The following MEIS1 variants were observed in gnomAD, a reference collection of about 807,000 sequenced individuals.
The protein encoded by MEIS1 is homeobox protein Meis1.
A neutral mutation model predicts 50.8 loss-of-function variants in MEIS1; 5 were observed. The observed-to-expected ratio is 0.10, with a 90% CI of 0.05 to 0.21. The LOEUF is 0.21. MEIS1 is among the 10% of genes least tolerant of loss of function. The pLI, the probability that MEIS1 is intolerant of heterozygous loss-of-function variation, is 1.00. For missense variants in MEIS1, 318 were observed against 517.3 expected (o/e 0.61, Z 3.74); for synonymous variants, 176 against 179.3 (o/e 0.98, Z 0.15).
chr2:66,503,152 A>G (rs556692381), intron 7 of MEIS1, among the ~76,000 whole-genome samples: 10 of 152,330 alleles, frequency 6.6e-5, no homozygotes, highest in African/African-American at 2.4e-4. Flanking sequence ...GAAATGAGGC[A>G]TTGTTTGACA....
intron 10 of MEIS1, 158 bp downstream of exon 10, chr2:66,567,669 C>A: frequency 1.4e-6 from 1 of 719,624 alleles, no homozygotes; most frequent in South Asian, 1.5e-5. Context: ...CAACACTAAT[C>A]AATTTAACAT....
intron 7 of MEIS1, among the ~76,000 whole-genome samples, chr2:66,503,736 ATTTTTTTTTTTTT>A (rs70943702): frequency 5.1e-5 from 4 of 77,824 alleles, no homozygotes; most frequent in South Asian, 5.7e-4. Flanking sequence ...TATATGGGGC[ATTTTTTTTTTTTT>A]TTTTTTTTTT....
At chr2:66,455,508 G>A (rs1217366101) in intron 6 of MEIS1, among the ~76,000 whole-genome samples, 4 of 152,192 alleles carry the variant, frequency 2.6e-5, no homozygotes, top group Non-Finnish European at 4.4e-5. Context: ...GCTTAGCATA[G>A]TTGATTCACT....
At chr2:66,444,363 G>T (rs1672076550) in intron 6 of MEIS1, among the ~76,000 whole-genome samples, 1 of 152,182 alleles carries the variant, frequency 6.6e-6, no homozygotes, top group Non-Finnish European at 1.5e-5. Context: ...CTGACGCCTG[G>T]TTCTTAGTGT....
chr2:66,563,521 T>C (rs893883411), intron 9 of MEIS1, among the ~76,000 whole-genome samples: 4 of 152,216 alleles, frequency 2.6e-5, no homozygotes, highest in Non-Finnish European at 5.9e-5. Context: ...TTCATTTAAG[T>C]TCACATCATA....
At chr2:66,535,382 A>G (rs1572886326) in intron 8 of MEIS1, among the ~76,000 whole-genome samples, 5 of 152,336 alleles carry the variant, frequency 3.3e-5, no homozygotes, top group African/African-American at 1.2e-4. Context: ...AAAGTCTTAA[A>G]AAAAAGCCCA....
chr2:66,509,303 C>T (rs1470477227), intron 7 of MEIS1, among the ~76,000 whole-genome samples: 1 of 152,154 alleles, frequency 6.6e-6, no homozygotes, highest in Non-Finnish European at 1.5e-5. Flanking sequence ...TAACTTGTGT[C>T]GGAAAGGAGC....
chr2:66,498,077 AGGAATG>A (rs1193076321), intron 7 of MEIS1, among the ~76,000 whole-genome samples: 6 of 152,116 alleles, frequency 3.9e-5, no homozygotes, highest in Non-Finnish European at 7.4e-5. Flanking sequence ...AAAGACTTCT[AGGAATG>A]GGAATGGGAT....
chr2:66,563,248 A>G (rs1462705384), intron 9 of MEIS1, among the ~76,000 whole-genome samples: 1 of 152,152 alleles, frequency 6.6e-6, no homozygotes, highest in African/African-American at 2.4e-5. Flanking sequence ...ATAGATATGT[A>G]TTTGTATTTT....
chr2:66,565,367 TCA>T (rs775265713), intron 9 of MEIS1, among the ~76,000 whole-genome samples: 1 of 152,162 alleles, frequency 6.6e-6, no homozygotes, highest in Non-Finnish European at 1.5e-5. Context: ...TACAAAATGT[TCA>T]CAGTCATGCT....
rs1355557435 is a variant in MEIS1, at chr2:66,442,777, G to C, written c.484-125G>C. 7 of 866,124 alleles carry C rather than the reference G, an allele frequency of 8.1e-6. No homozygotes were observed. The Admixed American group carries it at 1.2e-4, about 15-fold the overall frequency. The allele number at this position is 866,124 out of a possible 1,614,324, so 53.7% of individuals were successfully genotyped here. A position where few individuals can be genotyped will look rare whatever the true frequency, so the allele number is the denominator to read the frequency against. ...TGGATGCGTCTGGGGGTCTCTGGAG[G>C]ACAATTGCCCTGTGTTTCCCCTATT... On this transcript the variant is annotated intron_variant, in intron 5 of 12. Coordinates refer to ENST00000272369, the MANE Select transcript of MEIS1 (RefSeq NM_002398.3).
At chr2:66,537,385 C>T (rs1392668120) in intron 8 of MEIS1, among the ~76,000 whole-genome samples, 1 of 152,068 alleles carries the variant, frequency 6.6e-6, no homozygotes, top group Non-Finnish European at 1.5e-5. Context: ...CCAGAGTCCC[C>T]CATAAACACA....
chr2:66,466,262 T>A (rs1160862239), intron 7 of MEIS1, among the ~76,000 whole-genome samples: 2 of 152,204 alleles, frequency 1.3e-5, no homozygotes, highest in African/African-American at 2.4e-5. Flanking sequence ...CCCTCTTTCC[T>A]CATCTCTCTA....
chr2:66,529,501 A>G (rs904742113), intron 8 of MEIS1, among the ~76,000 whole-genome samples: 7 of 152,140 alleles, frequency 4.6e-5, no homozygotes, highest in African/African-American at 1.4e-4. Context: ...CAGCAGTGCA[A>G]TCTTGGCTCA....
At chr2:66,533,518 A>C (rs1674443873) in intron 8 of MEIS1, among the ~76,000 whole-genome samples, 1 of 152,092 alleles carries the variant, frequency 6.6e-6, no homozygotes, top group South Asian at 2.1e-4. Flanking sequence ...TTGCTTTTAT[A>C]GTGTCTTTTT....
chr2:66,526,412 G>A (rs900934036), intron 8 of MEIS1, among the ~76,000 whole-genome samples: 2 of 152,206 alleles, frequency 1.3e-5, no homozygotes, highest in African/African-American at 2.4e-5. Flanking sequence ...CTGGCCTGCT[G>A]TCAGGGAGCT....
At chr2:66,503,900 A>G (rs1673623924) in intron 7 of MEIS1, among the ~76,000 whole-genome samples, 1 of 151,650 alleles carries the variant, frequency 6.6e-6, no homozygotes, top group South Asian at 2.1e-4. Context: ...ACCTGCCACC[A>G]TGCCTGGCTA....
At chr2:66,541,835 G>T (rs765391971) in intron 8 of MEIS1, among the ~76,000 whole-genome samples, 1 of 152,308 alleles carries the variant, frequency 6.6e-6, no homozygotes, top group East Asian at 1.9e-4. Flanking sequence ...TATGTTCTGC[G>T]ACTGCACGGT....
chr2:66,498,971 T>C (rs1287270470), intron 7 of MEIS1, among the ~76,000 whole-genome samples: 1 of 152,240 alleles, frequency 6.6e-6, no homozygotes, highest in Non-Finnish European at 1.5e-5. Flanking sequence ...CTTTTATCTT[T>C]ACTGTGCCCA....
Sources: allele counts gnomAD v4.1 joint callset (sites outside exome capture counted in the v4.1 genomes callset), GRCh38; gene constraint gnomAD v4.1.1; transcripts MANE v1.5; gene names NCBI Gene and HGNC (gene_info 2026-07-23, HGNC 2026-07-21).